FSIP2: variants seen among roughly 807,000 people sequenced by gnomAD.
FSIP2 encodes the protein fibrous sheath-interacting protein 2.
Under a neutral mutation model 510.5 loss-of-function variants are expected in FSIP2, and 367 were observed. The observed-to-expected ratio is 0.72, with a 90% CI of 0.66 to 0.78. The LOEUF (loss-of-function observed/expected upper bound fraction) is 0.78. Among genes scored for constraint, FSIP2 ranks in the 30% least tolerant of loss-of-function variants. The pLI, the probability that FSIP2 is intolerant of heterozygous loss-of-function variation, is 0.00. For synonymous variants in FSIP2, 2,601 were observed against 2,732.2 expected, an observed-to-expected ratio of 0.95 and a Z score of 1.50; for missense variants, 7,594 against 7,901.7, an observed-to-expected ratio of 0.96 and a Z score of 1.48.
intron 19 of FSIP2, among the ~76,000 whole-genome samples, chr2:185,819,428 A>G (rs949225773): frequency 3.3e-5 from 5 of 151,930 alleles, no homozygotes; most frequent in African/African-American, 7.2e-5. Flanking sequence ...GCAGAATCCA[A>G]CTGTATGTTA....
In FSIP2 at chr2:185,804,148, T is replaced by C. The variant is rs1480435441; in HGVS notation, c.14842T>C (p.Phe4948Leu). 6.6e-7 allele frequency: 1 copy of C among 1,512,880 alleles called. No homozygotes were observed. The highest frequency in any genetic ancestry group is 8.8e-7 in the Non-Finnish European group (1 of 1,136,966). 93.7% of individuals were successfully genotyped at this position (1,512,880 alleles called of 1,614,324 possible). A position where few individuals can be genotyped will look rare whatever the true frequency, so the allele number is the denominator to read the frequency against. ...ELSFIVNSSVFLEEVISELLC... is the reference protein window; with the variant it reads ...ELSFIVNSSVLLEEVISELLC... ...ATCTTTTATTGTGAACTCATCTGTCTTTTTGGAGGAAGTAATTTCTGAGCT... is the reference window on the plus strand; with the variant it reads ...ATCTTTTATTGTGAACTCATCTGTCCTTTTGGAGGAAGTAATTTCTGAGCT... The change falls in exon 17 of 23, where the codon TTT becomes CTT. Residue 4948 changes from phenylalanine (F) to leucine (L), a missense_variant. Transcript: ENST00000424728.
In FSIP2 at chr2:185,802,645, A is replaced by T; in HGVS notation, c.13339A>T (p.Ile4447Phe). ...TATTGTTCAGGACATCCTTAGTAAC[A>T]TCAGTAAATCTACTGAGCCAAGCCA... ...ENIVQDILSN[I>F]SKSTEPSQSV... Residue 4447 changes from isoleucine (I) to phenylalanine (F), a missense_variant, in exon 17 of 23, where the codon ATC (isoleucine) becomes TTC (phenylalanine). Transcript: ENST00000424728. 1 of 1,533,704 alleles carries T rather than the reference A, an allele frequency of 6.5e-7. No individual in the cohort carries two copies. Among genetic ancestry groups the T allele is most frequent in the South Asian group, 1.2e-5 (1 of 83,964 alleles).
chr2:185,738,953 T>A lies in FSIP2; in HGVS notation c.59T>A (p.Val20Asp). ...KPAKVAVTKT[V>D]ASVLAADTQQ... is the part of the protein sequence containing the mutation. ...GCCAAAGTCGCCGTCACCAAGACGG[T>A]CGCCAGCGTCCTGGCCGCGGACACC... Residue 20 changes from valine (V) to aspartate (D), a missense_variant, in exon 1 of 23, where the codon GTC becomes GAC. Transcript: ENST00000424728. The A allele has an allele frequency of 1.3e-6, 2 of 1,533,926 alleles. No homozygotes were observed. Among genetic ancestry groups the A allele is most frequent in the Non-Finnish European group, 1.7e-6 (2 of 1,146,572 alleles).
chr2:185,831,003 C>G (rs1694098308), intron 21 of FSIP2, among the ~76,000 whole-genome samples: 1 of 151,828 alleles, frequency 6.6e-6, no homozygotes, highest in Non-Finnish European at 1.5e-5. Flanking sequence ...TATCTTGTTT[C>G]CAATAGCTTA....
rs763533573 is a variant in FSIP2 at position 185,756,167 on chromosome 2, A to C, written c.992-25A>C. On this transcript the variant is annotated intron_variant, in intron 8 of 22. Coordinates refer to ENST00000424728, the MANE Select transcript of FSIP2 (RefSeq NM_173651.4). ...TTCTGTCATCATCATAAGTAAAAAT[A>C]AATGTTTTATTATATTTCTTTAAGC... 3.2e-6 allele frequency: 3 copies of C among 940,916 alleles called. No homozygotes were observed. The South Asian group carries it at 5.1e-5, about 16-fold the overall frequency. 58.3% of individuals were successfully genotyped at this position (940,916 alleles called of 1,614,324 possible).
intron 6 of FSIP2, 70 bp from the exon 7 acceptor site, chr2:185,747,243 G>T: frequency 8.1e-6 from 7 of 862,006 alleles, no homozygotes; most frequent in Non-Finnish European, 1.3e-5. Context: ...ATACTTTTTG[G>T]TGGGACAAAA....
chr2:185,802,314 A>C lies in FSIP2; in HGVS notation c.13008A>C (p.Gln4336His). The C allele has an allele frequency of 1.3e-6, 2 of 1,533,896 alleles. No individual in the cohort carries two copies. The highest frequency in any genetic ancestry group is 1.2e-5 in the South Asian group (1 of 84,016). Residue 4336 changes from glutamine (Q) to histidine (H), a missense_variant, in exon 17 of 23, where the codon CAA becomes CAC. Coordinates refer to ENST00000424728, the MANE Select transcript of FSIP2 (RefSeq NM_173651.4). ...AAATTGAGTTGAAAAACATGACCCA[A>C]AGAATAGTAAACTCCATAAATAGGC... ...NTEIELKNMT[Q>H]RIVNSINRHF...
Position 185,830,764 on chromosome 2 carries a change from C to T in FSIP2, c.20518-1049C>T, listed in dbSNP as rs114656277. On this transcript the variant is annotated intron_variant, in intron 21 of 22. Transcript: ENST00000424728. The stretch of plus-strand genomic sequence containing the variant: ...ATACACAACCCACAGAGAGAGAAGG[C>T]CAACTGTATGTCTACTCATCTCCTT... 6.6e-3 allele frequency among the ~76,000 whole-genome samples: 995 copies of T among 151,754 alleles called. 5 individuals are homozygous for T. The highest frequency in any genetic ancestry group is 8.2e-3 in the Non-Finnish European group (554 of 67,828).
intron 7 of FSIP2, among the ~76,000 whole-genome samples, chr2:185,751,909 T>C (rs1692155770): frequency 1.3e-5 from 2 of 151,362 alleles, no homozygotes; most frequent in African/African-American, 4.8e-5. Context: ...TTTATTTATA[T>C]ACATACACGT....
rs1449766501 is a variant in FSIP2, at chr2:185,803,961, G to A, written c.14655G>A (p.Lys4885=). The change falls in exon 17 of 23, where the codon AAG becomes AAA. Residue 4885 remains lysine, a synonymous_variant. Transcript: ENST00000424728. The part of the protein sequence containing the change: ...NIYQSITKDK[K]SISDIPVSKI... ...ACCAGTCCATTACAAAAGATAAAAA[G>A]AGCATAAGTGACATACCTGTTTCAA... The A allele has an allele frequency of 6.7e-7, 1 of 1,503,566 alleles. No individual in the cohort carries two copies. Among genetic ancestry groups the A allele is most frequent in the South Asian group, 1.3e-5 (1 of 79,828 alleles). 93.1% of individuals were successfully genotyped at this position (1,503,566 alleles called of 1,614,324 possible).
At chr2:185,764,633 A>C (rs1692426511) in intron 13 of FSIP2, 68 bp downstream of exon 13, 1 of 1,121,182 alleles carries the variant, frequency 8.9e-7, no homozygotes, top group Non-Finnish European at 1.3e-6. Flanking sequence ...ACATTTACTG[A>C]GTTTTTGCTT....
upstream of FSIP2, among the ~76,000 whole-genome samples, chr2:185,737,350 T>C (rs761984653): frequency 1.3e-5 from 2 of 152,038 alleles, no homozygotes; most frequent in Non-Finnish European, 2.9e-5. Context: ...GAGTTTAAAG[T>C]GAGGAAGAGA....
chr2:185,741,992 G>T (rs1691934049), intron 2 of FSIP2, among the ~76,000 whole-genome samples: 1 of 152,120 alleles, frequency 6.6e-6, no homozygotes, highest in African/African-American at 2.4e-5. Context: ...GTCGGGATTG[G>T]TGCTTAGTGT....
At chr2:185,764,438 T>G (rs1482371738) in intron 12 of FSIP2, 64 bp from the exon 13 acceptor site, 1 of 839,042 alleles carries the variant, frequency 1.2e-6, no homozygotes, top group East Asian at 2.7e-5. Flanking sequence ...AAATAATAGT[T>G]GATGTTTGAG....
intron 12 of FSIP2, among the ~76,000 whole-genome samples, chr2:185,763,798 G>T (rs1315148726): frequency 6.6e-6 from 1 of 151,504 alleles, no homozygotes; most frequent in Non-Finnish European, 1.5e-5. Flanking sequence ...ATTTCCAAAA[G>T]AATTCTTCAT....
chr2:185,754,337 G>A (rs1692201819), intron 8 of FSIP2, among the ~76,000 whole-genome samples: 1 of 151,368 alleles, frequency 6.6e-6, no homozygotes, highest in South Asian at 2.1e-4. Context: ...ATTACAATGG[G>A]TTTTTCGCTT....
chr2:185,805,518 C>T lies in FSIP2; in HGVS notation c.16212C>T (p.Ser5404=), dbSNP rs1172960343. ...CACTTTTTTCAGGAGACTGGTCTTC[C>T]ACCTTCTTTTCATTTCTAAATCCAG... is the stretch of plus-strand genomic sequence containing the variant. The part of the protein sequence containing the change: ...IQPLFSGDWS[S]TFFSFLNPDN... Residue 5404 remains serine, a synonymous_variant, in exon 17 of 23, where the codon TCC becomes TCT. Transcript: ENST00000424728. The T allele has an allele frequency of 6.2e-7, 1 of 1,611,316 alleles. No homozygotes were observed. The highest frequency in any genetic ancestry group is 1.3e-5 in the African/African-American group (1 of 74,710).
intron 5 of FSIP2, among the ~76,000 whole-genome samples, chr2:185,746,271 G>C (rs1471473706): frequency 7.1e-6 from 1 of 141,702 alleles, no homozygotes; most frequent in African/African-American, 2.6e-5. Context: ...GTTTTTCTTA[G>C]AGAATTCAAA....
In FSIP2 at chr2:185,801,489, A is replaced by C; in HGVS notation, c.12183A>C (p.Lys4061Asn). Reference sequence around the variant, plus strand: ...ATGTTTTACAGCAGTATGAATTAAAAGTGGCCTGTGGTAATAATCCGGTAT... The same window carrying C: ...ATGTTTTACAGCAGTATGAATTAAACGTGGCCTGTGGTAATAATCCGGTAT... The part of the protein sequence containing the change: ...YYDVLQQYEL[K>N]VACGNNPVYD... The change falls in exon 17 of 23, where the codon AAA (lysine) becomes AAC (asparagine). Residue 4061 changes from lysine (K) to asparagine (N), a missense_variant. Coordinates refer to ENST00000424728, the MANE Select transcript of FSIP2 (RefSeq NM_173651.4). The C allele has an allele frequency of 1.3e-6, 2 of 1,533,908 alleles. No individual in the cohort carries two copies. The highest frequency in any genetic ancestry group is 1.7e-6 in the Non-Finnish European group (2 of 1,145,472).
Sources: gnomAD v4.1 joint callset for allele counts (sites outside exome capture counted in the v4.1 genomes callset) on GRCh38, gnomAD v4.1.1 for gene constraint, MANE v1.5 for transcripts, NCBI Gene and HGNC (gene_info 2026-07-23, HGNC 2026-07-21) for gene names.